HIVEP3: variants seen among roughly 807,000 people sequenced by gnomAD.
HIVEP3 encodes the protein HIVEP zinc finger 3, also known as transcription factor HIVEP3.
A neutral mutation model predicts 152.8 loss-of-function variants in HIVEP3; 49 were observed. The ratio of observed to expected loss-of-function variants is 0.32; its 90% CI spans 0.26 to 0.41. The LOEUF (loss-of-function observed/expected upper bound fraction) is 0.41, where lower values mean the gene tolerates loss of function less well. Ranked by LOEUF, HIVEP3 falls within the 10% of genes least tolerant of loss-of-function variation. The pLI is 1.00. For missense variants in HIVEP3, 2,790 were observed against 3,103.3 expected, an observed-to-expected ratio of 0.90 and a Z score of 2.40; for synonymous variants, 1,269 against 1,289.0, an observed-to-expected ratio of 0.98 and a Z score of 0.33.
At chr1:41,802,414 T>C (rs980909079) in intron 1 of HIVEP3, among the ~76,000 whole-genome samples, 2 of 152,176 alleles carry the variant, frequency 1.3e-5, no homozygotes, top group Non-Finnish European at 2.9e-5. Flanking sequence ...GGGGGTCTCC[T>C]GATATTGCCC....
Position 41,612,210 on chromosome 1 carries a change from T to C in HIVEP3, c.-522+16539A>G, listed in dbSNP as rs140079066. 8.9e-3 allele frequency among the ~76,000 whole-genome samples: 1,361 copies of C among 152,310 alleles called. 24 individuals carry two copies. The highest frequency in any genetic ancestry group is 0.031 in the African/African-American group (1,281 of 41,576). On this transcript the variant is annotated intron_variant, in intron 3 of 8. Transcript: ENST00000372583. ...CCTTCTTTGTTCAGCCAAATCCTTCTTGTCACCACTGCCAGTTTCTCCCTG... is the reference window on the plus strand; with the variant it reads ...CCTTCTTTGTTCAGCCAAATCCTTCCTGTCACCACTGCCAGTTTCTCCCTG...
intron 1 of HIVEP3, among the ~76,000 whole-genome samples, chr1:42,027,744 C>T (rs942022329): frequency 9.2e-5 from 14 of 152,224 alleles, no homozygotes; most frequent in South Asian, 4.2e-4. Flanking sequence ...AAAATCATGG[C>T]GGGAGGTAAA....
chr1:41,854,339 C>T (rs945893104), intron 1 of HIVEP3, among the ~76,000 whole-genome samples: 3 of 152,046 alleles, frequency 2.0e-5, no homozygotes, highest in Admixed American at 2.0e-4. Context: ...TGCCTGGTTT[C>T]AGGTTGGAAA....
chr1:41,888,254 A>G (rs1389560015), intron 1 of HIVEP3, among the ~76,000 whole-genome samples: 4 of 130,038 alleles, frequency 3.1e-5, no homozygotes, highest in Non-Finnish European at 4.7e-5. Context: ...GGGTTTCAAC[A>G]TGTTAGCCAG....
intron 1 of HIVEP3, among the ~76,000 whole-genome samples, chr1:42,000,864 T>C (rs1016042819): frequency 6.6e-6 from 1 of 152,226 alleles, no homozygotes; most frequent in Non-Finnish European, 1.5e-5. Context: ...AGCTCTTGTG[T>C]CTTACATTAG....
chr1:41,786,293 C>T (rs1215496369), intron 1 of HIVEP3, among the ~76,000 whole-genome samples: 1 of 152,228 alleles, frequency 6.6e-6, no homozygotes, highest in Non-Finnish European at 1.5e-5. Context: ...ATGCCTGGCA[C>T]ACACCAGGCA....
intron 5 of HIVEP3, among the ~76,000 whole-genome samples, chr1:41,552,579 A>G (rs10890118): frequency 0.98 from 138,227 of 140,744 alleles, 67,875 homozygotes; most frequent in East Asian, 1. Context: ...AGTATTCCAT[A>G]GTGTATATGT....
intron 1 of HIVEP3, among the ~76,000 whole-genome samples, chr1:41,836,562 C>A (rs1394913598): frequency 6.6e-6 from 1 of 152,262 alleles, no homozygotes; most frequent in Non-Finnish European, 1.5e-5. Context: ...TCAGTTCCCA[C>A]AGCAAGAGCT....
At chr1:41,870,364 A>G (rs1644056880) in intron 1 of HIVEP3, among the ~76,000 whole-genome samples, 1 of 152,154 alleles carries the variant, frequency 6.6e-6, no homozygotes, top group Admixed American at 6.5e-5. Flanking sequence ...CTCTCTTTTC[A>G]ACGTTGCAAT....
At chr1:41,567,866 G>T (rs982826664) in intron 5 of HIVEP3, among the ~76,000 whole-genome samples, 1 of 152,238 alleles carries the variant, frequency 6.6e-6, no homozygotes, top group Non-Finnish European at 1.5e-5. Context: ...GACCAAGCCT[G>T]CCTTCAGGCT....
In HIVEP3 at chr1:41,581,638, G is replaced by T; in HGVS notation, c.3160C>A (p.Pro1054Thr). 6.2e-7 allele frequency: 1 copy of T among 1,614,196 alleles called. No individual in the cohort carries two copies. The highest frequency in any genetic ancestry group is 8.5e-7 in the Non-Finnish European group (1 of 1,180,034). The change falls in exon 4 of 9, where the codon CCT becomes ACT. Residue 1054 changes from proline (P) to threonine (T), a missense_variant. Pro to Thr is a conservative substitution (Grantham distance 38). This residue lies in a region of HIVEP3 where 1,078 missense variants were observed against 1,165.3 expected (regional missense o/e 0.93). Transcript: ENST00000372583. This position sits in a 1 kb window ranked among gnomAD's most constrained non-coding sequence, Gnocchi z 4.5. The stretch of plus-strand genomic sequence containing the variant: ...GCAACCTCCAACTCAGATTCTGGAG[G>T]CCTGCTCAGAGAGGCCTGTCTCACC... ...FLVRQASLSR[P>T]PESELEVAPK...
At chr1:41,671,426 C>T (rs1012157877) in intron 2 of HIVEP3, among the ~76,000 whole-genome samples, 1 of 152,224 alleles carries the variant, frequency 6.6e-6, no homozygotes, top group African/African-American at 2.4e-5. Flanking sequence ...AGAAACGAAT[C>T]CTGCTCTCGG....
At chr1:41,980,665 T>C (rs1355280526) in intron 1 of HIVEP3, among the ~76,000 whole-genome samples, 3 of 152,204 alleles carry the variant, frequency 2.0e-5, no homozygotes, top group African/African-American at 7.2e-5. Context: ...ACAATTAAAA[T>C]TGGTTAATTT....
At chr1:41,654,219 G>A (rs1043596017) in intron 2 of HIVEP3, among the ~76,000 whole-genome samples, 2 of 152,146 alleles carry the variant, frequency 1.3e-5, no homozygotes, top group Non-Finnish European at 2.9e-5. Flanking sequence ...TAAGTTATAC[G>A]GTATACATGA....
At chr1:41,822,143 C>G (rs1391474358) in intron 1 of HIVEP3, among the ~76,000 whole-genome samples, 1 of 152,190 alleles carries the variant, frequency 6.6e-6, no homozygotes, top group Non-Finnish European at 1.5e-5. Context: ...CCCAGCGGGG[C>G]ACTGAGGCTG....
chr1:41,854,517 C>CTTTTTTTTTTTT (rs998972000), intron 1 of HIVEP3, among the ~76,000 whole-genome samples: 1 of 103,680 alleles, frequency 9.6e-6, no homozygotes, highest in Non-Finnish European at 1.9e-5. Flanking sequence ...TCTTGCTGCA[C>CTTTTTTTTTTTT]TTTTTTTTTT....
intron 1 of HIVEP3, among the ~76,000 whole-genome samples, chr1:41,917,603 A>T (rs1487360132): frequency 6.6e-6 from 1 of 152,184 alleles, no homozygotes; most frequent in Non-Finnish European, 1.5e-5. Context: ...CCTCTGCACC[A>T]CTGCCACACT....
chr1:41,967,740 C>CA (rs938436656), intron 1 of HIVEP3, among the ~76,000 whole-genome samples: 3 of 151,944 alleles, frequency 2.0e-5, no homozygotes, highest in Non-Finnish European at 4.4e-5. Flanking sequence ...AAAAACCCTT[C>CA]AAAAAATCAA....
At chr1:42,025,218 T>C (rs1645575507) in intron 1 of HIVEP3, among the ~76,000 whole-genome samples, 1 of 152,218 alleles carries the variant, frequency 6.6e-6, no homozygotes. Flanking sequence ...TTTGTCTCCC[T>C]GTGCAGCATC....
Sources: allele counts gnomAD v4.1 joint callset (sites outside exome capture counted in the v4.1 genomes callset), GRCh38; gene constraint gnomAD v4.1.1; regional missense constraint gnomAD v4.1.1; non-coding constraint Gnocchi (gnomAD v3.1); transcripts MANE v1.5; gene names NCBI Gene and HGNC (gene_info 2026-07-23, HGNC 2026-07-21).